The following DENND5B variants were observed in gnomAD, a reference collection of about 807,000 sequenced individuals.
DENND5B encodes the protein DENN domain-containing protein 5B.
A neutral mutation model predicts 140.6 loss-of-function variants in DENND5B; 34 were observed. That is an observed-to-expected ratio of 0.24 (90% CI 0.18 to 0.32). The LOEUF is 0.32. Ranked by LOEUF, DENND5B falls within the 10% of genes least tolerant of loss-of-function variation. DENND5B has a pLI of 1.00. For synonymous variants in DENND5B, 551 were observed against 562.1 expected (o/e 0.98, Z 0.28); for missense variants, 1,142 against 1,560.2 (o/e 0.73, Z 4.52).
chr12:31,383,714 C>T lies in DENND5B; in HGVS notation c.*3889G>A, dbSNP rs1183464101. 6.6e-6 allele frequency: 1 copy of T among 152,140 alleles called. No homozygotes were observed. Among genetic ancestry groups the T allele is most frequent in the African/African-American group, 2.4e-5 (1 of 41,430 alleles). The allele number at this position is 152,140 out of a possible 1,614,324, so 9.4% of individuals were successfully genotyped here. A position where few individuals can be genotyped will look rare whatever the true frequency, so the allele number is the denominator to read the frequency against. ...CACTTTATACTACTTCACACTGACT[C>T]GCAGTCATTTTTAAGGCATATGACT... On this transcript the variant is annotated 3_prime_UTR_variant, in exon 21 of 21. Transcript: ENST00000389082.
chr12:31,438,572 CG>C (rs111306324), intron 7 of DENND5B, among the ~76,000 whole-genome samples: 2,537 of 152,076 alleles, frequency 0.017, 74 homozygotes, highest in African/African-American at 0.058. Flanking sequence ...CAAAAAGAAT[CG>C]GGGGTGATTG....
chr12:31,429,415 AT>A (rs1467903986), intron 8 of DENND5B, among the ~76,000 whole-genome samples: 1 of 151,844 alleles, frequency 6.6e-6, no homozygotes, highest in South Asian at 2.1e-4. Context: ...TATTATTATT[AT>A]TTTTTTTCTT....
chr12:31,532,491 A>T (rs1948322208), intron 1 of DENND5B, among the ~76,000 whole-genome samples: 1 of 152,188 alleles, frequency 6.6e-6, no homozygotes, highest in African/African-American at 2.4e-5. Context: ...AAAAATTCTC[A>T]TTCTAAAAAG....
chr12:31,486,839 C>G (rs887561081), intron 2 of DENND5B, among the ~76,000 whole-genome samples: 1 of 152,172 alleles, frequency 6.6e-6, no homozygotes, highest in African/African-American at 2.4e-5. Flanking sequence ...AAATGTTACT[C>G]CTCTAAAAAG....
At chr12:31,572,845 T>G (rs1949873047) in intron 1 of DENND5B, among the ~76,000 whole-genome samples, 2 of 152,216 alleles carry the variant, frequency 1.3e-5, no homozygotes, top group Admixed American at 1.3e-4. Context: ...CTCTAATTGT[T>G]AGCCTCTCCC....
chr12:31,412,698 A>C (rs1942526997), intron 13 of DENND5B, among the ~76,000 whole-genome samples: 1 of 152,170 alleles, frequency 6.6e-6, no homozygotes, highest in Non-Finnish European at 1.5e-5. Flanking sequence ...AAACTAGTGA[A>C]TGCAAGGCTC....
At chr12:31,512,527 C>A (rs909144221) in intron 1 of DENND5B, among the ~76,000 whole-genome samples, 1 of 152,010 alleles carries the variant, frequency 6.6e-6, no homozygotes. Flanking sequence ...CCACTGCACT[C>A]AGCCTATTTT....
intron 10 of DENND5B, 45 bp downstream of exon 10, chr12:31,424,490 G>T: frequency 6.5e-7 from 1 of 1,535,004 alleles, no homozygotes. Context: ...TTTCTTAACA[G>T]GGCTCTTAAC....
chr12:31,458,928 T>C (rs889588586), intron 4 of DENND5B, among the ~76,000 whole-genome samples: 3 of 152,150 alleles, frequency 2.0e-5, no homozygotes, highest in African/African-American at 7.2e-5. Context: ...TAAGTAACAA[T>C]TAGGCCAGGC....
intron 11 of DENND5B, 83 bp from the exon 12 acceptor site, chr12:31,415,531 G>C: frequency 8.9e-7 from 1 of 1,125,498 alleles, no homozygotes; most frequent in Non-Finnish European, 1.3e-6. Context: ...AAACTGCTTC[G>C]ATAAGAACAA....
chr12:31,417,392 C>T (rs962591667), intron 11 of DENND5B, among the ~76,000 whole-genome samples: 2 of 148,836 alleles, frequency 1.3e-5, no homozygotes, highest in South Asian at 4.3e-4. Flanking sequence ...TCTAAGATTT[C>T]GGACTCTTCA....
chr12:31,445,431 T>C (rs1944232697), intron 6 of DENND5B, among the ~76,000 whole-genome samples: 1 of 152,150 alleles, frequency 6.6e-6, no homozygotes, highest in African/African-American at 2.4e-5. Context: ...AGGCCAGACA[T>C]GATGGCTCAT....
At chr12:31,430,451 A>T (rs1943457691) in intron 8 of DENND5B, among the ~76,000 whole-genome samples, 1 of 140,984 alleles carries the variant, frequency 7.1e-6, no homozygotes, top group Non-Finnish European at 1.5e-5. Flanking sequence ...CAAGAGATCG[A>T]GACCATCCTG....
Position 31,591,132 on chromosome 12 carries a change from C to A in DENND5B, c.-300G>T, listed in dbSNP as rs1592113154. The A allele has an allele frequency of 1.3e-5, 2 of 150,886 alleles. No individual in the cohort carries two copies. The highest frequency in any genetic ancestry group is 2.1e-4 in the South Asian group (1 of 4,850). 9.3% of individuals were successfully genotyped at this position (150,886 alleles called of 1,614,324 possible). A position where few individuals can be genotyped will look rare whatever the true frequency, so the allele number is the denominator to read the frequency against. On this transcript the variant is annotated 5_prime_UTR_variant, in exon 1 of 21. Transcript: ENST00000389082. ...TGCGCTCGCGAGCTGAGAGCCGCCG[C>A]GTCTGGCGCCCGCGGGTCAGCTGAG... is the stretch of plus-strand genomic sequence containing the variant.
intron 3 of DENND5B, among the ~76,000 whole-genome samples, chr12:31,464,315 C>T (rs1164556492): frequency 2.0e-5 from 3 of 152,142 alleles, no homozygotes; most frequent in African/African-American, 7.2e-5. Context: ...AATGTCCCTT[C>T]CTCTTGCACT....
intron 1 of DENND5B, among the ~76,000 whole-genome samples, chr12:31,503,681 G>A (rs1471544698): frequency 1.3e-5 from 2 of 152,218 alleles, no homozygotes; most frequent in Non-Finnish European, 2.9e-5. Context: ...GATTAAGGCA[G>A]AAACTCTTGG....
chr12:31,544,770 T>A (rs1948800572), intron 1 of DENND5B, among the ~76,000 whole-genome samples: 1 of 152,164 alleles, frequency 6.6e-6, no homozygotes, highest in Non-Finnish European at 1.5e-5. Flanking sequence ...TCAGACATTA[T>A]GCCCTCCTGA....
intron 11 of DENND5B, among the ~76,000 whole-genome samples, chr12:31,418,382 C>T (rs1270144832): frequency 6.7e-6 from 1 of 148,164 alleles, no homozygotes; most frequent in Non-Finnish European, 1.5e-5. Context: ...CCGGGCTAAG[C>T]GATCCTCCAA....
chr12:31,525,598 T>C (rs1948058500), intron 1 of DENND5B, among the ~76,000 whole-genome samples: 2 of 152,360 alleles, frequency 1.3e-5, no homozygotes, highest in East Asian at 3.9e-4. Context: ...GTGGAATGGT[T>C]GCACAACTCT....
Sources: gnomAD v4.1 joint callset for allele counts (sites outside exome capture counted in the v4.1 genomes callset) on GRCh38, gnomAD v4.1.1 for gene constraint, MANE v1.5 for transcripts, NCBI Gene and HGNC (gene_info 2026-07-23, HGNC 2026-07-21) for gene names.